SCUBE1: variants seen among roughly 807,000 people sequenced by gnomAD.
SCUBE1 encodes the protein signal peptide, CUB domain and EGF like domain containing 1, also known as signal peptide, CUB and EGF-like domain-containing protein 1.
SCUBE1 carries 59 observed loss-of-function variants against 124.4 expected under a neutral mutation model. That is an observed-to-expected ratio of 0.47 (90% CI 0.38 to 0.59). The LOEUF (loss-of-function observed/expected upper bound fraction) is 0.59, where lower values mean the gene tolerates loss of function less well. SCUBE1 is among the 20% of genes least tolerant of loss of function. SCUBE1 has a pLI of 0.00. For synonymous variants in SCUBE1, 545 were observed against 550.9 expected (o/e 0.99, Z 0.15); for missense variants, 1,150 against 1,371.2 (o/e 0.84, Z 2.55).
chr22:43,217,469 T>C (rs1295056115), intron 15 of SCUBE1, among the ~76,000 whole-genome samples: 1 of 151,942 alleles, frequency 6.6e-6, no homozygotes, highest in Non-Finnish European at 1.5e-5. Context: ...TGTCTCTCCC[T>C]AGGAGCCCCC....
At chr22:43,326,689 G>A (rs1169181416) in intron 2 of SCUBE1, among the ~76,000 whole-genome samples, 2 of 152,140 alleles carry the variant, frequency 1.3e-5, no homozygotes, top group Non-Finnish European at 2.9e-5. Flanking sequence ...CCATGGCTCA[G>A]CCAGAGGGTG....
chr22:43,223,290 T>G (rs1601808537), intron 10 of SCUBE1, 74 bp from the exon 11 acceptor site: 2 of 1,489,300 alleles, frequency 1.3e-6, no homozygotes, highest in African/African-American at 1.5e-5. Context: ...GGGTCCTGGG[T>G]ATGGCCTAAT....
At chr22:43,263,569 C>T (rs529923536) in intron 4 of SCUBE1, among the ~76,000 whole-genome samples, 1 of 152,322 alleles carries the variant, frequency 6.6e-6, no homozygotes, top group Non-Finnish European at 1.5e-5. Context: ...CTCCTTCCCC[C>T]GGGACACACC....
At chr22:43,297,443 G>A (rs537039211) in intron 3 of SCUBE1, among the ~76,000 whole-genome samples, 2 of 152,236 alleles carry the variant, frequency 1.3e-5, no homozygotes, top group East Asian at 1.9e-4. Context: ...CCGGGGTGGC[G>A]GCGGACGGCC....
At chr22:43,238,671 C>A in intron 7 of SCUBE1, 167 bp downstream of exon 7, 1 of 702,012 alleles carries the variant, frequency 1.4e-6, no homozygotes, top group Non-Finnish European at 2.7e-6. Flanking sequence ...CCAGCCCTCC[C>A]TCTTCCTGGC....
At chr22:43,303,450 G>A (rs1925849763) in intron 3 of SCUBE1, among the ~76,000 whole-genome samples, 1 of 152,242 alleles carries the variant, frequency 6.6e-6, no homozygotes, top group African/African-American at 2.4e-5. Context: ...GCCCCGGGGT[G>A]GGCCTGGTGG....
At chr22:43,274,283 C>G (rs1454734082) in intron 4 of SCUBE1, among the ~76,000 whole-genome samples, 1 of 152,158 alleles carries the variant, frequency 6.6e-6, no homozygotes, top group African/African-American at 2.4e-5. Context: ...TTCAGGTGGA[C>G]AATCAATACT....
chr22:43,254,528 G>A (rs1010621550), intron 6 of SCUBE1, among the ~76,000 whole-genome samples: 1 of 152,208 alleles, frequency 6.6e-6, no homozygotes, highest in Admixed American at 6.5e-5. Context: ...CAGCCCACAC[G>A]GTCAGGACTT....
At chr22:43,227,314 G>A (rs1183406850) in intron 10 of SCUBE1, 60 bp downstream of exon 10, 19 of 1,559,216 alleles carry the variant, frequency 1.2e-5, no homozygotes, top group Non-Finnish European at 1.6e-5. Context: ...AAAAGCCACT[G>A]TCCCTCCCAT....
At chr22:43,225,507 T>C (rs1370195984) in intron 10 of SCUBE1, among the ~76,000 whole-genome samples, 1 of 149,614 alleles carries the variant, frequency 6.7e-6, no homozygotes, top group Non-Finnish European at 1.5e-5. Context: ...CCGGGCTCGG[T>C]GGCTCACGCC....
intron 19 of SCUBE1, among the ~76,000 whole-genome samples, chr22:43,209,658 G>A (rs867002747): frequency 4.9e-4 from 75 of 152,344 alleles, no homozygotes; most frequent in African/African-American, 1.8e-3. Flanking sequence ...CGGGCGGGAG[G>A]AGACCCATGG....
intron 3 of SCUBE1, among the ~76,000 whole-genome samples, chr22:43,307,946 G>A (rs1433946833): frequency 8.2e-6 from 1 of 121,872 alleles, no homozygotes; most frequent in Non-Finnish European, 1.9e-5. Context: ...TGGGCCAGAA[G>A]GGGGCTGGCA....
chr22:43,241,543 G>A (rs954394790), intron 6 of SCUBE1, among the ~76,000 whole-genome samples: 13 of 152,054 alleles, frequency 8.5e-5, no homozygotes, highest in African/African-American at 2.4e-5. Context: ...AGCACGTGCC[G>A]CTGGACTCTT....
intron 4 of SCUBE1, among the ~76,000 whole-genome samples, chr22:43,284,087 A>G (rs1329817778): frequency 6.6e-6 from 1 of 152,258 alleles, no homozygotes; most frequent in Non-Finnish European, 1.5e-5. Context: ...GTATGGAGAC[A>G]CACGGCCGTG....
chr22:43,214,047 G>GGCCCCCCCCCCCCC, intron 16 of SCUBE1, 43 bp downstream of exon 16: 3 of 143,438 alleles, frequency 2.1e-5, no homozygotes, highest in East Asian at 5.6e-4. Context: ...AGGAGCCCCC[G>GGCCCCCCCCCCCCC]CCCACCCCCC....
intron 14 of SCUBE1, 33 bp downstream of exon 14, chr22:43,220,417 C>T (rs763360928): frequency 1.2e-6 from 2 of 1,607,184 alleles, no homozygotes; most frequent in Non-Finnish European, 1.7e-6. Context: ...TCCTTCAGGC[C>T]TGCAGAAGCC....
intron 6 of SCUBE1, among the ~76,000 whole-genome samples, chr22:43,244,219 C>A (rs1051133154): frequency 4.6e-5 from 7 of 152,206 alleles, no homozygotes; most frequent in Non-Finnish European, 1.0e-4. Flanking sequence ...CAGGGCACCC[C>A]CCTTGGCCTT....
At chr22:43,307,726 C>T (rs1926023832) in intron 3 of SCUBE1, among the ~76,000 whole-genome samples, 1 of 152,174 alleles carries the variant, frequency 6.6e-6, no homozygotes, top group African/African-American at 2.4e-5. Context: ...GCGTGAGGCC[C>T]CTGCATGATT....
intron 5 of SCUBE1, among the ~76,000 whole-genome samples, chr22:43,261,708 T>C (rs1569000239): frequency 6.6e-6 from 1 of 152,168 alleles, no homozygotes; most frequent in Non-Finnish European, 1.5e-5. Flanking sequence ...CTATTGGGAG[T>C]TGGAACTGGA....
Sources: gnomAD v4.1 joint callset for allele counts (sites outside exome capture counted in the v4.1 genomes callset) on GRCh38, gnomAD v4.1.1 for gene constraint, MANE v1.5 for transcripts, NCBI Gene and HGNC (gene_info 2026-07-23, HGNC 2026-07-21) for gene names.